Variants in BAHCC1 observed in about 807,000 individuals in gnomAD.
The protein encoded by BAHCC1 is BAH domain and coiled-coil containing 1, also known as BAH and coiled-coil domain-containing protein 1.
A neutral mutation model predicts 88.2 loss-of-function variants in BAHCC1; 43 were observed. That is an observed-to-expected ratio of 0.49 (90% CI 0.38 to 0.63). The LOEUF (loss-of-function observed/expected upper bound fraction) is 0.63. Among genes scored for constraint, BAHCC1 ranks in the 20% least tolerant of loss-of-function variants. BAHCC1 has a pLI of 0.00. For missense variants in BAHCC1, 3,023 were observed against 1,654.8 expected (o/e 1.83, Z -14.34); for synonymous variants, 1,510 against 745.5 (o/e 2.03, Z -16.71).
intron 18 of BAHCC1, 77 bp downstream of exon 18, chr17:81,458,543 C>T (rs545150671): frequency 1.9e-5 from 13 of 679,320 alleles, no homozygotes; most frequent in Middle Eastern, 3.7e-4. Context: ...CTCCCCCGCA[C>T]GCTGGCCCCT....
chr17:81,397,897 A>G (rs1488621506), intron 1 of BAHCC1, among the ~76,000 whole-genome samples: 1 of 152,260 alleles, frequency 6.6e-6, no homozygotes, highest in Non-Finnish European at 1.5e-5. Context: ...AATATTAAAA[A>G]AGCTTATCAG....
At chr17:81,457,327 G>A (rs781942100) in intron 16 of BAHCC1, 83 bp from the exon 17 acceptor site, 19 of 683,404 alleles carry the variant, frequency 2.8e-5, no homozygotes, top group Non-Finnish European at 3.5e-5. Flanking sequence ...CGCCATAACC[G>A]CATGCCCAGA....
intron 3 of BAHCC1, among the ~76,000 whole-genome samples, chr17:81,431,756 T>G (rs2064263722): frequency 6.6e-6 from 1 of 152,166 alleles, no homozygotes; most frequent in Non-Finnish European, 1.5e-5. Context: ...GGCTGAGGAT[T>G]GTGTGTGACT....
intron 11 of BAHCC1, chr17:81,451,312 G>A (rs1425332823): frequency 2.9e-5 from 7 of 242,340 alleles, no homozygotes; most frequent in East Asian, 9.7e-5. Context: ...GCTGCCGTTC[G>A]AAGCAGGGCC....
chr17:81,399,200 A>G lies in BAHCC1; in HGVS notation c.-206-334A>G, dbSNP rs1555645457. 3 of 422,818 alleles carry G rather than the reference A, an allele frequency of 7.1e-6. No homozygotes were observed. Among genetic ancestry groups the G allele is most frequent in the South Asian group, 4.8e-5 (3 of 62,236 alleles). The allele number at this position is 422,818 out of a possible 1,614,324, so 26.2% of individuals were successfully genotyped here. A position where few individuals can be genotyped will look rare whatever the true frequency, so the allele number is the denominator to read the frequency against. On this transcript the variant is annotated intron_variant, in intron 1 of 27. Coordinates refer to ENST00000675386, the MANE Select transcript of BAHCC1 (RefSeq NM_001377448.1). The surrounding 1 kb of genome is among the most constrained non-coding windows in gnomAD (Gnocchi z 4.5). ...CAGATTTGGGTTTTTATCACCCAGC[A>G]GAGCCAGCAGCCTCTTCGCCGCGGC...
At chr17:81,400,366 G>A (rs1225737489) in intron 2 of BAHCC1, among the ~76,000 whole-genome samples, 1 of 152,204 alleles carries the variant, frequency 6.6e-6, no homozygotes, top group Non-Finnish European at 1.5e-5. Flanking sequence ...TCGCGGATTA[G>A]AGTGGTGTGT....
intron 2 of BAHCC1, chr17:81,413,060 A>C (rs782016252): frequency 2.5e-6 from 1 of 406,620 alleles, no homozygotes; most frequent in South Asian, 1.7e-5. Flanking sequence ...GGTCCCGCCC[A>C]CACCAAGCGC....
intron 2 of BAHCC1, among the ~76,000 whole-genome samples, chr17:81,408,773 C>G (rs371906333): frequency 7.2e-5 from 11 of 152,318 alleles, no homozygotes; most frequent in Admixed American, 2.6e-4. Flanking sequence ...GCCCAGCCCC[C>G]CTGGCTGGCT....
intron 2 of BAHCC1, among the ~76,000 whole-genome samples, chr17:81,412,794 C>T (rs1684553671): frequency 6.6e-6 from 1 of 152,262 alleles, no homozygotes; most frequent in East Asian, 1.9e-4. Flanking sequence ...GATTATTTCA[C>T]AGCTTCTGTG....
chr17:81,458,729 G>A lies in BAHCC1; in HGVS notation c.5448+4G>A. The stretch of plus-strand genomic sequence containing the variant: ...GAAGCACAAGGCCGGCAAGCAGGTA[G>A]CAGCCCCCCACTCTGGGAGCCCACT... On this transcript the variant is annotated splice_donor_region_variant and intron_variant, in intron 19 of 27. Transcript: ENST00000675386. 1.4e-6 allele frequency: 1 copy of A among 735,976 alleles called. No homozygotes were observed. The highest frequency in any genetic ancestry group is 2.5e-6 in the Non-Finnish European group (1 of 395,832). 45.6% of individuals were successfully genotyped at this position (735,976 alleles called of 1,614,324 possible). A position where few individuals can be genotyped will look rare whatever the true frequency, so the allele number is the denominator to read the frequency against.
At chr17:81,457,960 C>CG (rs1555657787) in intron 17 of BAHCC1, among the ~76,000 whole-genome samples, 1 of 48,042 alleles carries the variant, frequency 2.1e-5, no homozygotes, top group Non-Finnish European at 3.8e-5. Flanking sequence ...GCTGGGTAAC[C>CG]GGGGGGAGGG....
intron 2 of BAHCC1, among the ~76,000 whole-genome samples, chr17:81,410,847 G>A (rs1245721904): frequency 6.6e-6 from 1 of 152,038 alleles, no homozygotes; most frequent in Non-Finnish European, 1.5e-5. Flanking sequence ...GGGGGTGGGG[G>A]CTCTCTGCCT....
chr17:81,452,953 G>C, intron 14 of BAHCC1, 102 bp downstream of exon 14: 1 of 612,148 alleles, frequency 1.6e-6, no homozygotes, highest in Non-Finnish European at 2.9e-6. Context: ...CAGGCTGCTG[G>C]TGCCCCTTCA....
chr17:81,447,482 G>C lies in BAHCC1; in HGVS notation c.3610G>C (p.Glu1204Gln). The C allele has an allele frequency of 1.3e-6, 1 of 742,584 alleles. No individual in the cohort carries two copies. The highest frequency in any genetic ancestry group is 2.5e-6 in the Non-Finnish European group (1 of 399,544). 46.0% of individuals were successfully genotyped at this position (742,584 alleles called of 1,614,324 possible). Residue 1204 changes from glutamate (E) to glutamine (Q), a missense_variant, in exon 11 of 28, where the codon GAG (glutamate) becomes CAG (glutamine). Physicochemically the swap from Glu to Gln is conservative, Grantham distance 29. Transcript: ENST00000675386. ...PSSGASSQVL[E>Q]QRAGSPGALE... ...GTCAGGGGCCTCCTCCCAAGTCCTG[G>C]AGCAGCGAGCAGGGAGTCCGGGTGC...
chr17:81,452,799 C>T lies in BAHCC1; in HGVS notation c.4393C>T (p.Pro1465Ser). 1.4e-6 allele frequency: 1 copy of T among 739,804 alleles called. No individual in the cohort carries two copies. The highest frequency in any genetic ancestry group is 2.5e-6 in the Non-Finnish European group (1 of 403,228). The allele number at this position is 739,804 out of a possible 1,614,324, so 45.8% of individuals were successfully genotyped here. The change falls in exon 14 of 28, where the codon CCT (proline) becomes TCT (serine). Residue 1465 changes from proline (P) to serine (S), a missense_variant. Pro to Ser is a moderately conservative substitution (Grantham distance 74). Transcript: ENST00000675386. ...GAAGCGCAAACACTCAAGCTCGCTG[C>T]CTGCCCCACGTCCCACGGGGCCGCT... is the stretch of plus-strand genomic sequence containing the variant. ...PRKRKHSSSLPAPRPTGPLPR... is the reference protein window; with the variant it reads ...PRKRKHSSSLSAPRPTGPLPR...
chr17:81,396,023 C>G (rs1351381317), intron 1 of BAHCC1: 3 of 152,248 alleles, frequency 2.0e-5, no homozygotes, highest in Non-Finnish European at 2.9e-5. Context: ...ACCGGGCGGA[C>G]AGTAGGCGAA....
In BAHCC1 at chr17:81,452,110, A is replaced by G; in HGVS notation, c.4316+3A>G. 1.6e-6 allele frequency: 1 copy of G among 624,564 alleles called. No individual in the cohort carries two copies. The highest frequency in any genetic ancestry group is 2.7e-5 in the Admixed American group (1 of 37,708). The allele number at this position is 624,564 out of a possible 1,614,324, so 38.7% of individuals were successfully genotyped here. A position where few individuals can be genotyped will look rare whatever the true frequency, so the allele number is the denominator to read the frequency against. On this transcript the variant is annotated splice_donor_region_variant and intron_variant, in intron 13 of 27. Coordinates refer to ENST00000675386, the MANE Select transcript of BAHCC1 (RefSeq NM_001377448.1). ...CTGCAGCGCAAGCACGACCATGAGTACGCCTGGCGTGGCGGGGGGGCCTGG... is the reference window on the plus strand; with the variant it reads ...CTGCAGCGCAAGCACGACCATGAGTGCGCCTGGCGTGGCGGGGGGGCCTGG...
intron 14 of BAHCC1, among the ~76,000 whole-genome samples, 174 bp downstream of exon 14, chr17:81,453,025 G>C (rs528459920): frequency 6.6e-6 from 1 of 152,140 alleles, no homozygotes; most frequent in Non-Finnish European, 1.5e-5. Context: ...AGCAGACAGA[G>C]CCCTGCTCCA....
Position 81,458,196 on chromosome 17 carries a change from G to C in BAHCC1, c.5073G>C (p.Glu1691Asp), listed in dbSNP as rs1555657891. The C allele has an allele frequency of 2.8e-6, 2 of 725,966 alleles. No individual in the cohort carries two copies. The highest frequency in any genetic ancestry group is 2.0e-5 in the Admixed American group (1 of 51,130). 45.0% of individuals were successfully genotyped at this position (725,966 alleles called of 1,614,324 possible). The part of the protein sequence containing the change: ...GACRLSSPES[E>D]VKIKRRSVKA... ...GCCGCCTGTCCAGCCCTGAGAGTGA[G>C]GTCAAGATCAAGAGGCGGTCGGTGA... The change falls in exon 18 of 28, where the codon GAG becomes GAC. Residue 1691 changes from glutamate (E) to aspartate (D), a missense_variant. Glu to Asp is a conservative substitution (Grantham distance 45). Transcript: ENST00000675386.
Sources: gnomAD v4.1 joint callset for allele counts (sites outside exome capture counted in the v4.1 genomes callset) on GRCh38, gnomAD v4.1.1 for gene constraint, Gnocchi (gnomAD v3.1) non-coding constraint, MANE v1.5 for transcripts, NCBI Gene and HGNC (gene_info 2026-07-23, HGNC 2026-07-21) for gene names.